MYO3A: variants seen among roughly 807,000 people sequenced by gnomAD.
MYO3A encodes the protein myosin-IIIa.
MYO3A carries 180 observed loss-of-function variants against 192.7 expected under a neutral mutation model. That is an observed-to-expected ratio of 0.93 (90% CI 0.83 to 1.06). MYO3A has a LOEUF of 1.06. Ranked by LOEUF, MYO3A falls within the 50% of genes least tolerant of loss-of-function variation. The pLI is 0.00. For missense variants in MYO3A, 1,896 were observed against 1,905.0 expected (o/e 1.00, Z 0.09); for synonymous variants, 628 against 645.3 (o/e 0.97, Z 0.41).
intron 18 of MYO3A, among the ~76,000 whole-genome samples, chr10:26,121,744 C>T (rs2131707593): frequency 6.6e-6 from 1 of 152,154 alleles, no homozygotes; most frequent in South Asian, 2.1e-4. Context: ...GAGCAAGACT[C>T]TGTCTCAAAA....
intron 10 of MYO3A, among the ~76,000 whole-genome samples, chr10:26,066,226 T>C (rs1834834660): frequency 6.6e-6 from 1 of 152,148 alleles, no homozygotes; most frequent in East Asian, 1.9e-4. Context: ...TACAGTTTTC[T>C]GAGTAAGTGT....
intron 10 of MYO3A, among the ~76,000 whole-genome samples, chr10:26,032,027 T>C (rs530016400): frequency 2.0e-4 from 30 of 152,316 alleles, no homozygotes; most frequent in African/African-American, 7.2e-4. Flanking sequence ...CAATGCAAAA[T>C]AACTTTAATA....
At chr10:26,100,620 CT>C (rs1229181975) in intron 17 of MYO3A, among the ~76,000 whole-genome samples, 1 of 149,320 alleles carries the variant, frequency 6.7e-6, no homozygotes, top group African/African-American at 2.4e-5. Context: ...ATTCTCATTG[CT>C]TTCATTTATT....
intron 14 of MYO3A, among the ~76,000 whole-genome samples, chr10:26,087,669 G>T (rs1836420752): frequency 6.6e-6 from 1 of 152,174 alleles, no homozygotes; most frequent in Non-Finnish European, 1.5e-5. Context: ...AGGAATAGAG[G>T]TAGAGCCATG....
At position 26,153,912 on chromosome 10, in the gene MYO3A, T is replaced by C. The variant is rs140493682; in HGVS notation, c.2698T>C (p.Leu900=). ...INYQMRTSEK[L]INLAKGDTGE... ...CTATCAAATGAGGACTTCAGAAAAA[T>C]TAATCAACCTGGCAAAGGTAAGAAA... Residue 900 remains leucine, a synonymous_variant, in exon 24 of 35, where the codon TTA becomes CTA. Coordinates refer to ENST00000642920, the MANE Select transcript of MYO3A (RefSeq NM_017433.5). 1.5e-4 allele frequency: 233 copies of C among 1,593,610 alleles called. No individual in the cohort carries two copies. Among genetic ancestry groups the C allele is most frequent in the Non-Finnish European group, 2.0e-4 (229 of 1,161,844 alleles).
intron 10 of MYO3A, among the ~76,000 whole-genome samples, chr10:26,048,309 G>A (rs1843752474): frequency 6.7e-6 from 1 of 149,120 alleles, no homozygotes; most frequent in South Asian, 2.1e-4. Context: ...GGAAGATTCT[G>A]ATTTACTTTG....
chr10:26,210,995 C>T (rs1285525331), intron 34 of MYO3A, among the ~76,000 whole-genome samples: 1 of 151,452 alleles, frequency 6.6e-6, no homozygotes, highest in Non-Finnish European at 1.5e-5. Context: ...CACACACACA[C>T]ACACACCACT....
intron 4 of MYO3A, among the ~76,000 whole-genome samples, chr10:25,960,142 T>C (rs1007606841): frequency 2.6e-5 from 4 of 152,128 alleles, no homozygotes; most frequent in Non-Finnish European, 5.9e-5. Context: ...CTTTTTTCTG[T>C]CCTCTTTTTC....
At position 26,002,981 on chromosome 10, in the gene MYO3A, G is replaced by A. The variant is rs1041688338; in HGVS notation, c.508+5723G>A. 4.6e-5 allele frequency among the ~76,000 whole-genome samples: 7 copies of A among 152,060 alleles called. No individual in the cohort carries two copies. The South Asian group carries it at 1.5e-3, about 32-fold the overall frequency. On this transcript the variant is annotated intron_variant, in intron 6 of 34. Transcript: ENST00000642920. ...CTATCACTTTGTCACTTTGTCCCTA[G>A]AACCAGGTACAGTGCTAACATTTTG... is the stretch of plus-strand genomic sequence containing the variant.
intron 10 of MYO3A, among the ~76,000 whole-genome samples, chr10:26,060,495 A>G (rs1215929426): frequency 6.6e-6 from 1 of 152,024 alleles, no homozygotes; most frequent in African/African-American, 2.4e-5. Context: ...AACAAAAGAC[A>G]GTGATACAAG....
chr10:26,182,037 G>T (rs1007767157), intron 31 of MYO3A, among the ~76,000 whole-genome samples: 1 of 152,174 alleles, frequency 6.6e-6, no homozygotes, highest in Non-Finnish European at 1.5e-5. Flanking sequence ...TGCAGAATTG[G>T]AATTGTAATA....
rs763104178 is a variant in MYO3A at position 26,166,082 on chromosome 10, C to T, written c.3015C>T (p.Cys1005=). Residue 1005 remains cysteine (C), a synonymous_variant, in exon 27 of 35, where the codon TGC becomes TGT. Coordinates refer to ENST00000642920, the MANE Select transcript of MYO3A (RefSeq NM_017433.5). ...CCATTCCAAGGTACTACCTTCTCTG[C>T]TACAAGTCGAGCGAGGAGCCCCGCA... The part of the protein sequence containing the change: ...ANFIKRYYLL[C]YKSSEEPRMS... 4 of 1,614,140 alleles carry T rather than the reference C, an allele frequency of 2.5e-6. No individual in the cohort carries two copies. Among genetic ancestry groups the T allele is most frequent in the Non-Finnish European group, 3.4e-6 (4 of 1,179,998 alleles).
Position 26,066,933 on chromosome 10 carries a change from G to T in MYO3A, c.954-42G>T, listed in dbSNP as rs3824702. The T allele has an allele frequency of 0.51, 698,358 of 1,381,536 alleles. 181,130 individuals carry two copies. The highest frequency in any genetic ancestry group is 0.56 in the Middle Eastern group (3,107 of 5,598). 85.6% of individuals were successfully genotyped at this position (1,381,536 alleles called of 1,614,324 possible). On this transcript the variant is annotated intron_variant, in intron 10 of 34. Transcript: ENST00000642920. ...TATCTAAAACTTTTTTCCACTATGAGCAGTAATCAATTCTTAAATCAGAAA... is the reference window on the plus strand; with the variant it reads ...TATCTAAAACTTTTTTCCACTATGATCAGTAATCAATTCTTAAATCAGAAA...
intron 6 of MYO3A, among the ~76,000 whole-genome samples, chr10:26,014,733 G>A (rs1246384506): frequency 1.3e-5 from 2 of 151,986 alleles, no homozygotes; most frequent in East Asian, 3.9e-4. Context: ...TACAATTTAT[G>A]ACCCCTTTAT....
intron 9 of MYO3A, among the ~76,000 whole-genome samples, chr10:26,024,326 G>T (rs1842445127): frequency 6.6e-6 from 1 of 152,068 alleles, no homozygotes; most frequent in Non-Finnish European, 1.5e-5. Context: ...ATAATCAATG[G>T]TCATGTTCTT....
At chr10:26,005,291 T>C (rs1232517247) in intron 6 of MYO3A, among the ~76,000 whole-genome samples, 1 of 151,878 alleles carries the variant, frequency 6.6e-6, no homozygotes, top group Non-Finnish European at 1.5e-5. Context: ...GAACAGTCTA[T>C]AGAACAACTG....
chr10:26,194,701 G>T (rs1024716256), intron 32 of MYO3A, among the ~76,000 whole-genome samples: 1 of 152,118 alleles, frequency 6.6e-6, no homozygotes, highest in Admixed American at 6.5e-5. Context: ...AGGGTTGTCT[G>T]TGGAAACCCA....
rs185275524 is a variant in MYO3A at position 25,982,213 on chromosome 10, G to A, written c.304-14277G>A. 7.7e-4 allele frequency among the ~76,000 whole-genome samples: 117 copies of A among 152,148 alleles called. 1 individual carries two copies. Among genetic ancestry groups the A allele is most frequent in the African/African-American group, 2.6e-3 (107 of 41,552 alleles). ...ACTCCACTGGACTGGGAACTACACC[G>A]TCATGCCCCACAGCAGCCACAGCGA... is the stretch of plus-strand genomic sequence containing the variant. On this transcript the variant is annotated intron_variant, in intron 4 of 34. Coordinates refer to ENST00000642920, the MANE Select transcript of MYO3A (RefSeq NM_017433.5).
At chr10:26,194,933 G>A (rs1275819340) in intron 32 of MYO3A, among the ~76,000 whole-genome samples, 1 of 152,140 alleles carries the variant, frequency 6.6e-6, no homozygotes, top group Non-Finnish European at 1.5e-5. Context: ...CCATACATGG[G>A]CGCACACACT....
Sources: allele counts gnomAD v4.1 joint callset (sites outside exome capture counted in the v4.1 genomes callset), GRCh38; gene constraint gnomAD v4.1.1; transcripts MANE v1.5; gene names NCBI Gene and HGNC (gene_info 2026-07-23, HGNC 2026-07-21).